The following SLFN12L variants were observed in gnomAD, a reference collection of about 807,000 sequenced individuals.
SLFN12L encodes schlafen family member 12 like.
SLFN12L carries 34 observed loss-of-function variants against 34.8 expected under a neutral mutation model. The ratio of observed to expected loss-of-function variants is 0.98; its 90% confidence interval spans 0.74 to 1.30. SLFN12L has a LOEUF of 1.30. Among genes scored for constraint, SLFN12L ranks in the 50% most tolerant of loss-of-function variants. The pLI is 0.00. For missense variants in SLFN12L, 703 were observed against 696.2 expected, an observed-to-expected ratio of 1.01 and a Z score of -0.11; for synonymous variants, 259 against 247.5, an observed-to-expected ratio of 1.05 and a Z score of -0.44.
At position 35,464,964 on chromosome 17, in the gene SLFN12L, C is replaced by A. The variant is rs2142115308; in HGVS notation, c.*9959G>T. ...CCATCTTGGCTCACTGCAACCCCCG[C>A]CTCCCAGGTTCAAGTGATTCTCCTG... On this transcript the variant is annotated 3_prime_UTR_variant, in exon 5 of 5. Coordinates refer to ENST00000628453, the MANE Select transcript of SLFN12L (RefSeq NM_001363830.2). 6.6e-6 allele frequency among the ~76,000 whole-genome samples: 1 copy of A among 152,282 alleles called. No homozygotes were observed. Among genetic ancestry groups the A allele is most frequent in the South Asian group, 2.1e-4 (1 of 4,824 alleles).
rs1913804977 is a variant in SLFN12L at position 35,471,317 on chromosome 17, A to C, written c.*3606T>G. On this transcript the variant is annotated 3_prime_UTR_variant, in exon 5 of 5. Coordinates refer to ENST00000628453, the MANE Select transcript of SLFN12L (RefSeq NM_001363830.2). ...ACTCCCAGCTAATTCTTGTATTTTT[A>C]GTAGAAATGGGGTTTCACCATGTTG... Among the ~76,000 whole-genome samples, 1 of 151,990 alleles carries C rather than the reference A, an allele frequency of 6.6e-6. No homozygotes were observed. Among genetic ancestry groups the C allele is most frequent in the African/African-American group, 2.4e-5 (1 of 41,364 alleles).
chr17:35,488,534 A>T (rs762601879), intron 2 of SLFN12L, among the ~76,000 whole-genome samples: 5 of 152,144 alleles, frequency 3.3e-5, no homozygotes, highest in Non-Finnish European at 5.9e-5. Flanking sequence ...TGTTATGGTA[A>T]TTACGATAAT....
In SLFN12L at chr17:35,471,296, C is replaced by T. The variant is rs1023352624; in HGVS notation, c.*3627G>A. ...GGATTACAGACGCCTACCACCACTC[C>T]CAGCTAATTCTTGTATTTTTAGTAG... On this transcript the variant is annotated 3_prime_UTR_variant, in exon 5 of 5. Transcript: ENST00000628453. 6.6e-6 allele frequency among the ~76,000 whole-genome samples: 1 copy of T among 152,036 alleles called. No individual in the cohort carries two copies. Among genetic ancestry groups the T allele is most frequent in the Non-Finnish European group, 1.5e-5 (1 of 68,010 alleles).
In SLFN12L at chr17:35,474,697, G is replaced by GGT. The variant is rs199717066; in HGVS notation, c.*224_*225dup. The GGT allele has an allele frequency of 0.095, 33,693 of 354,450 alleles. 1,091 individuals carry two copies. The highest frequency in any genetic ancestry group is 0.16 in the South Asian group (5,165 of 32,516). The allele number at this position is 354,450 out of a possible 1,614,324, so 22.0% of individuals were successfully genotyped here. ...AGCACTTTGGGAGACCGGGGGGGGG[G>GGT]GTTGAATCACGAGGTCAGGAGTTCA... On this transcript the variant is annotated 3_prime_UTR_variant, in exon 5 of 5. Coordinates refer to ENST00000628453, the MANE Select transcript of SLFN12L (RefSeq NM_001363830.2).
intron 2 of SLFN12L, among the ~76,000 whole-genome samples, chr17:35,503,731 A>G (rs1483974741): frequency 6.6e-6 from 1 of 152,150 alleles, no homozygotes; most frequent in Non-Finnish European, 1.5e-5. Context: ...CTCAAAACTA[A>G]AAGTCTTTTA....
chr17:35,511,490 C>T (rs529941775), intron 2 of SLFN12L, among the ~76,000 whole-genome samples: 1 of 152,224 alleles, frequency 6.6e-6, no homozygotes, highest in African/African-American at 2.4e-5. Context: ...AAAAGCATCA[C>T]TTTGGGAGGC....
At chr17:35,532,861 C>G (rs2072425053) in intron 1 of SLFN12L, among the ~76,000 whole-genome samples, 1 of 152,158 alleles carries the variant, frequency 6.6e-6, no homozygotes, top group Non-Finnish European at 1.5e-5. Context: ...CCACTGCACT[C>G]CAGCCTGGTG....
At chr17:35,498,190 G>T (rs1282837271) in intron 2 of SLFN12L, 14 of 689,380 alleles carry the variant, frequency 2.0e-5, no homozygotes, top group Non-Finnish European at 3.2e-5. Flanking sequence ...GGCGTGGGGA[G>T]CCGGGGCCGC....
Position 35,479,525 on chromosome 17 carries a change from T to A in SLFN12L, c.757A>T (p.Thr253Ser), listed in dbSNP as rs116657840. The part of the protein sequence containing the change: ...STHVEIKNFS[T>S]EKLLQRITEI... Reference sequence around the variant, plus strand: ...GTAATTCGTTGTAACAACTTTTCAGTCGAGAAGTTTTTTATTTCAACGTGT... The same window carrying A: ...GTAATTCGTTGTAACAACTTTTCAGACGAGAAGTTTTTTATTTCAACGTGT... Residue 253 changes from threonine (T) to serine (S), a missense_variant, in exon 3 of 5, where the codon ACT becomes TCT. Coordinates refer to ENST00000628453, the MANE Select transcript of SLFN12L (RefSeq NM_001363830.2). The A allele has an allele frequency of 3.1e-3, 4,985 of 1,614,180 alleles. 123 individuals are homozygous for A. The African/African-American group carries it at 0.052, about 17-fold the overall frequency.
rs150251815 is a variant in SLFN12L at position 35,522,527 on chromosome 17, C to T, written c.-163G>A. 32,483 of 1,612,200 alleles carry T rather than the reference C, an allele frequency of 0.02. 413 individuals carry two copies. The highest frequency in any genetic ancestry group is 0.023 in the Non-Finnish European group (27,689 of 1,179,006). ...CACTCAAGAGAGACCTGAAGCCGAGCAAGACAATCACGAGGGACTGCAGCA... is the reference window on the plus strand; with the variant it reads ...CACTCAAGAGAGACCTGAAGCCGAGTAAGACAATCACGAGGGACTGCAGCA... On this transcript the variant is annotated 5_prime_UTR_variant, in exon 2 of 5. Transcript: ENST00000628453.
intron 2 of SLFN12L, among the ~76,000 whole-genome samples, chr17:35,513,527 C>T (rs1016156407): frequency 5.3e-5 from 8 of 152,092 alleles, no homozygotes; most frequent in African/African-American, 1.9e-4. Context: ...TCGACAGATG[C>T]CACCAAGTAC....
At chr17:35,498,447 C>T (rs1915175625) in intron 2 of SLFN12L, 21 of 1,310,050 alleles carry the variant, frequency 1.6e-5, no homozygotes, top group Admixed American at 3.4e-5. Flanking sequence ...TGGACGACTG[C>T]GGAATTTTCT....
intron 2 of SLFN12L, chr17:35,498,178 G>T: frequency 1.5e-6 from 1 of 675,234 alleles, no homozygotes; most frequent in Admixed American, 2.1e-5. Flanking sequence ...CCGGGAGGCG[G>T]CGGCGTGGGG....
chr17:35,518,613 G>A (rs991055903), intron 2 of SLFN12L, among the ~76,000 whole-genome samples: 1 of 150,618 alleles, frequency 6.6e-6, no homozygotes, highest in Non-Finnish European at 1.5e-5. Flanking sequence ...ACCATCACAG[G>A]TCATTAGAGA....
At position 35,537,564 on chromosome 17, in the gene SLFN12L, T is replaced by A. The variant is rs2072474311; in HGVS notation, c.-606+9A>T. 1 of 152,226 alleles carries A rather than the reference T, an allele frequency of 6.6e-6. No individual in the cohort carries two copies. Among genetic ancestry groups the A allele is most frequent in the Non-Finnish European group, 1.5e-5 (1 of 68,038 alleles). 9.4% of individuals were successfully genotyped at this position (152,226 alleles called of 1,614,324 possible). On this transcript the variant is annotated intron_variant, in intron 1 of 4. Coordinates refer to ENST00000628453, the MANE Select transcript of SLFN12L (RefSeq NM_001363830.2). ...ATGGCTTAGATCTCTCTGGACAATC[T>A]GTACTTACCTTGGGAGTTAAAAGAT...
intron 2 of SLFN12L, among the ~76,000 whole-genome samples, chr17:35,518,246 C>T (rs1026622327): frequency 6.6e-6 from 1 of 152,164 alleles, no homozygotes; most frequent in African/African-American, 2.4e-5. Flanking sequence ...TATGAACAGA[C>T]ACTTCTCAAA....
rs370031565 is a variant in SLFN12L, at chr17:35,475,127, A to G, written c.1635T>C (p.Pro545=). Residue 545 remains proline (P), a synonymous_variant, in exon 5 of 5, where the codon CCT becomes CCC. Coordinates refer to ENST00000628453, the MANE Select transcript of SLFN12L (RefSeq NM_001363830.2). Reference sequence around the variant, plus strand: ...CATACTGGCAGCTTGTCTTGCCTTCAGGGCTCAAGTAGAAGATCTTTGTCA... The same window carrying G: ...CATACTGGCAGCTTGTCTTGCCTTCGGGGCTCAAGTAGAAGATCTTTGTCA... ...CVMTKIFYLS[P]EGKTSCQYDL... is the part of the protein sequence containing the mutation. 1 of 1,614,230 alleles carries G rather than the reference A, an allele frequency of 6.2e-7. No individual in the cohort carries two copies.
intron 2 of SLFN12L, chr17:35,487,940 G>A: frequency 1.4e-6 from 1 of 699,204 alleles, no homozygotes; most frequent in Non-Finnish European, 2.6e-6. Context: ...CGGGCGCGGT[G>A]ACTCACGCCT....
chr17:35,473,211 G>A lies in SLFN12L; in HGVS notation c.*1712C>T, dbSNP rs906034278. On this transcript the variant is annotated 3_prime_UTR_variant, in exon 5 of 5. Coordinates refer to ENST00000628453, the MANE Select transcript of SLFN12L (RefSeq NM_001363830.2). ...TGTTGAATAGGAGTGGTGAGAGAGG[G>A]CATTCTTGTCTTGTGCCAATTTTCA... Among the ~76,000 whole-genome samples the A allele has an allele frequency of 6.6e-6, 1 of 152,184 alleles. No homozygotes were observed. Among genetic ancestry groups the A allele is most frequent in the Non-Finnish European group, 1.5e-5 (1 of 68,036 alleles).
Sources: gnomAD v4.1 joint callset for allele counts (sites outside exome capture counted in the v4.1 genomes callset) on GRCh38, gnomAD v4.1.1 for gene constraint, MANE v1.5 for transcripts, NCBI Gene and HGNC (gene_info 2026-07-23, HGNC 2026-07-21) for gene names.